The following NEIL2 variants were observed in gnomAD, a reference collection of about 807,000 sequenced individuals.
NEIL2 encodes endonuclease 8-like 2.
A neutral mutation model predicts 22.2 loss-of-function variants in NEIL2; 23 were observed. The ratio of observed to expected loss-of-function variants is 1.04; its 90% CI spans 0.75 to 1.47. The LOEUF is 1.47. Among genes scored for constraint, NEIL2 ranks in the 40% most tolerant of loss-of-function variants. NEIL2 has a pLI of 0.00. For synonymous variants in NEIL2, 229 were observed against 164.8 expected (o/e 1.39, Z -2.99); for missense variants, 583 against 404.7 (o/e 1.44, Z -3.78).
At position 11,778,945 on chromosome 8, in the gene NEIL2, A is replaced by AAAC. The variant is rs1299457581; in HGVS notation, c.139-651_139-650insCAA. On this transcript the variant is annotated intron_variant, in intron 2 of 4. Coordinates refer to ENST00000284503, the MANE Select transcript of NEIL2 (RefSeq NM_145043.4). ...CCAGTCTAGGCGAGACTCCATCTGA[A>AAAC]AAAAAAAAAAAAAAAAAAAAGACAG... Among the ~76,000 whole-genome samples, 13 of 146,220 alleles carry AAAC rather than the reference A, an allele frequency of 8.9e-5. No individual in the cohort carries two copies. The East Asian group carries it at 2.2e-3, about 24-fold the overall frequency.
rs539703714 is a variant in NEIL2, at chr8:11,786,669, T to C, written c.*396T>C. 3.7e-6 allele frequency: 1 copy of C among 272,894 alleles called. No homozygotes were observed. Among genetic ancestry groups the C allele is most frequent in the Non-Finnish European group, 7.1e-6 (1 of 141,818 alleles). 16.9% of individuals were successfully genotyped at this position (272,894 alleles called of 1,614,324 possible). A position where few individuals can be genotyped will look rare whatever the true frequency, so the allele number is the denominator to read the frequency against. ...TGGTTGTTTGTTTTGAGAGAGAGTC[T>C]TGCTCTGTCTCCCTGGCTAGGGTGT... On this transcript the variant is annotated 3_prime_UTR_variant, in exon 5 of 5. Transcript: ENST00000284503.
intron 1 of NEIL2, among the ~76,000 whole-genome samples, chr8:11,771,048 C>T (rs1585731352): frequency 6.6e-6 from 1 of 151,956 alleles, no homozygotes; most frequent in Admixed American, 6.6e-5. Flanking sequence ...TTTTTGAGAG[C>T]GGGAGCAGGG....
intron 4 of NEIL2, among the ~76,000 whole-genome samples, chr8:11,784,489 G>T (rs1224362588): frequency 1.3e-5 from 2 of 152,180 alleles, no homozygotes; most frequent in Non-Finnish European, 2.9e-5. Flanking sequence ...CAGGTGTTTT[G>T]TCAATGAATT....
chr8:11,771,465 G>A lies in NEIL2; in HGVS notation c.18G>A (p.Leu6=), dbSNP rs755486430. The A allele has an allele frequency of 1.2e-5, 19 of 1,613,852 alleles. No individual in the cohort carries two copies. The highest frequency in any genetic ancestry group is 1.5e-5 in the Non-Finnish European group (18 of 1,180,028). The change falls in exon 2 of 5, where the codon TTG becomes TTA. Residue 6 remains leucine, a synonymous_variant. Coordinates refer to ENST00000284503, the MANE Select transcript of NEIL2 (RefSeq NM_145043.4). The stretch of plus-strand genomic sequence containing the variant: ...CCACAGGGATGCCAGAAGGGCCGTT[G>A]GTGAGGAAATTTCACCATTTGGTCT... The part of the protein sequence containing the change: MPEGP[L]VRKFHHLVSP...
chr8:11,777,067 C>A (rs557014440), intron 2 of NEIL2, among the ~76,000 whole-genome samples: 4 of 152,302 alleles, frequency 2.6e-5, no homozygotes, highest in African/African-American at 7.2e-5. Flanking sequence ...CTCCACTCTT[C>A]TTGTGAAGCC....
intron 2 of NEIL2, among the ~76,000 whole-genome samples, chr8:11,772,108 CAGG>C (rs999274372): frequency 4.3e-4 from 65 of 152,248 alleles, no homozygotes; most frequent in African/African-American, 1.6e-3. Context: ...GAAGCTGAGG[CAGG>C]AGAATTGCTT....
chr8:11,781,157 GA>G (rs1180313378), intron 3 of NEIL2, among the ~76,000 whole-genome samples: 1 of 138,176 alleles, frequency 7.2e-6, no homozygotes, highest in Non-Finnish European at 1.6e-5. Flanking sequence ...AAAATGTTTA[GA>G]AGTGTAGTCT....
rs1025363529 is a variant in NEIL2, at chr8:11,777,846, G to A, written c.139-1752G>A. Among the ~76,000 whole-genome samples the A allele has an allele frequency of 3.9e-5, 6 of 152,256 alleles. No individual in the cohort carries two copies. In the East Asian group the frequency reaches 5.8e-4, roughly 15 times the overall value. ...AAGGGCATGGCATTGGCATCTTGCC[G>A]TGTCATTTGCAATTGGCATTATTCC... On this transcript the variant is annotated intron_variant, in intron 2 of 4. Transcript: ENST00000284503.
At chr8:11,785,620 A>C (rs1804844525) in intron 4 of NEIL2, among the ~76,000 whole-genome samples, 1 of 152,216 alleles carries the variant, frequency 6.6e-6, no homozygotes. Flanking sequence ...CTTACAGATA[A>C]GGAAACTGCA....
Position 11,783,377 on chromosome 8 carries a change from C to T in NEIL2, c.666C>T (p.Asp222=). The T allele has an allele frequency of 4.3e-6, 7 of 1,614,100 alleles. No individual in the cohort carries two copies. Among genetic ancestry groups the T allele is most frequent in the Non-Finnish European group, 5.9e-6 (7 of 1,179,962 alleles). ...AGCCTGTCTGCTATACACTGCTGGACCAGAGATACTTCTCAGGGCTAGGTA... is the reference window on the plus strand; with the variant it reads ...AGCCTGTCTGCTATACACTGCTGGATCAGAGATACTTCTCAGGGCTAGGTA... ...QAQPVCYTLL[D]QRYFSGLGNI... Residue 222 remains aspartate (D), a synonymous_variant, in exon 4 of 5, where the codon GAC becomes GAT. Transcript: ENST00000284503.
Position 11,783,183 on chromosome 8 carries a change from G to T in NEIL2, c.492-20G>T. ...TACTGTGGTAACGATGTGTACATAT[G>T]ACCTGTTCTTTCTTCCCAGGTTGGT... On this transcript the variant is annotated intron_variant, in intron 3 of 4. Coordinates refer to ENST00000284503, the MANE Select transcript of NEIL2 (RefSeq NM_145043.4). 6.2e-7 allele frequency: 1 copy of T among 1,609,730 alleles called. No individual in the cohort carries two copies. The highest frequency in any genetic ancestry group is 1.1e-5 in the South Asian group (1 of 90,962).
intron 4 of NEIL2, 107 bp downstream of exon 4, chr8:11,783,506 G>A (rs1804630617): frequency 1.1e-6 from 1 of 902,504 alleles, no homozygotes; most frequent in Non-Finnish European, 1.8e-6. Flanking sequence ...CAGTGCTGTT[G>A]GTTTTGAGGT....
At chr8:11,781,208 G>T (rs113373503) in intron 3 of NEIL2, among the ~76,000 whole-genome samples, 97 of 152,264 alleles carry the variant, frequency 6.4e-4, no homozygotes, top group Non-Finnish European at 6.6e-4. Context: ...AGGATGCTAT[G>T]GGCTGTAAAA....
chr8:11,783,934 G>A (rs1804673084), intron 4 of NEIL2, among the ~76,000 whole-genome samples: 1 of 152,222 alleles, frequency 6.6e-6, no homozygotes, highest in Non-Finnish European at 1.5e-5. Context: ...CTATTGCAGT[G>A]GCGTGAGCAG....
chr8:11,782,681 A>G (rs1183919479), intron 3 of NEIL2: 3 of 196,740 alleles, frequency 1.5e-5, no homozygotes, highest in Non-Finnish European at 3.2e-5. Flanking sequence ...TTGTACCATT[A>G]TAAAATCAAA....
chr8:11,780,642 A>G (rs936344416), intron 3 of NEIL2, among the ~76,000 whole-genome samples: 1 of 152,212 alleles, frequency 6.6e-6, no homozygotes, highest in Non-Finnish European at 1.5e-5. Flanking sequence ...TCCGCCTCCC[A>G]AAGTGCTGGG....
intron 3 of NEIL2, among the ~76,000 whole-genome samples, chr8:11,781,281 G>T (rs1383848794): frequency 6.6e-6 from 1 of 152,180 alleles, no homozygotes; most frequent in Non-Finnish European, 1.5e-5. Flanking sequence ...AGTTCAGAAG[G>T]AGGGTGGGCT....
chr8:11,781,609 T>C (rs1475670041), intron 3 of NEIL2, among the ~76,000 whole-genome samples: 1 of 152,220 alleles, frequency 6.6e-6, no homozygotes. Context: ...TATAGTGCCG[T>C]AGAGTGAATG....
chr8:11,778,405 T>C (rs1804093931), intron 2 of NEIL2, among the ~76,000 whole-genome samples: 1 of 151,754 alleles, frequency 6.6e-6, no homozygotes, highest in Admixed American at 6.6e-5. Context: ...CGAAAGGTAA[T>C]GCTCTTTTGG....
Sources: allele counts gnomAD v4.1 joint callset (sites outside exome capture counted in the v4.1 genomes callset), GRCh38; gene constraint gnomAD v4.1.1; transcripts MANE v1.5; gene names NCBI Gene and HGNC (gene_info 2026-07-23, HGNC 2026-07-21).